Variants in PSD3 observed in about 807,000 individuals in gnomAD.
PSD3 encodes pleckstrin and Sec7 domain containing 3, also known as PH and SEC7 domain-containing protein 3.
In PSD3, 49 loss-of-function variants were observed where a neutral mutation model predicts 105.5. The ratio of observed to expected loss-of-function variants is 0.46; its 90% CI spans 0.37 to 0.59. The LOEUF is 0.59. Ranked by LOEUF, PSD3 falls within the 20% of genes least tolerant of loss-of-function variation. PSD3 has a pLI of 0.00. For synonymous variants in PSD3, 557 were observed against 457.8 expected, an observed-to-expected ratio of 1.22 and a Z score of -2.77; for missense variants, 1,561 against 1,263.8, an observed-to-expected ratio of 1.24 and a Z score of -3.57.
intron 4 of PSD3, among the ~76,000 whole-genome samples, chr8:18,806,536 C>T (rs757893276): frequency 6.6e-6 from 1 of 152,186 alleles, no homozygotes; most frequent in Non-Finnish European, 1.5e-5. Context: ...ACACGGCCTT[C>T]GAACACACTT....
At chr8:18,916,514 G>A (rs531466618) in intron 2 of PSD3, among the ~76,000 whole-genome samples, 7 of 151,702 alleles carry the variant, frequency 4.6e-5, no homozygotes, top group South Asian at 4.2e-4. Context: ...TCTTATTTAC[G>A]TGCACAATCT....
intron 12 of PSD3, 148 bp downstream of exon 12, chr8:18,600,216 G>A (rs984974429): frequency 2.8e-6 from 2 of 712,810 alleles, no homozygotes; most frequent in Non-Finnish European, 4.7e-6. Context: ...TTTATTTCTG[G>A]AATTCTCCGC....
rs544719797 is a variant in PSD3, at chr8:18,658,282, C to T, written c.2173-2597G>A. Reference sequence around the variant, plus strand: ...ATTATTTTTCTTAATAAAAGGAAGACGCTTTACAAATGCATCCAAAACTTA... The same window carrying T: ...ATTATTTTTCTTAATAAAAGGAAGATGCTTTACAAATGCATCCAAAACTTA... On this transcript the variant is annotated intron_variant, in intron 9 of 15. Coordinates refer to ENST00000327040, the MANE Select transcript of PSD3 (RefSeq NM_015310.4). Among the ~76,000 whole-genome samples, 8 of 152,266 alleles carry T rather than the reference C, an allele frequency of 5.3e-5. No individual in the cohort carries two copies. The South Asian group carries it at 8.3e-4, about 16-fold the overall frequency.
chr8:18,891,398 T>C (rs1382831526), intron 2 of PSD3, among the ~76,000 whole-genome samples: 3 of 152,202 alleles, frequency 2.0e-5, no homozygotes, highest in South Asian at 2.1e-4. Context: ...GATTTTCATG[T>C]GTAATTTGTC....
intron 2 of PSD3, among the ~76,000 whole-genome samples, chr8:18,932,140 G>C (rs1395507334): frequency 6.6e-6 from 1 of 152,192 alleles, no homozygotes; most frequent in Non-Finnish European, 1.5e-5. Flanking sequence ...CCTGAGCTGT[G>C]TATTTACAAT....
rs575199345 is a variant in PSD3, at chr8:18,783,773, T to C, written c.2082+15522A>G. 8.5e-5 allele frequency among the ~76,000 whole-genome samples: 13 copies of C among 152,258 alleles called. No individual in the cohort carries two copies. The East Asian group carries it at 1.2e-3, about 14-fold the overall frequency. On this transcript the variant is annotated intron_variant, in intron 8 of 15. Coordinates refer to ENST00000327040, the MANE Select transcript of PSD3 (RefSeq NM_015310.4). ...TCAGCCACTCGAGTAACTGGGATGATAGGTGCATGCCACCATGCCTGGCAA... is the reference window on the plus strand; with the variant it reads ...TCAGCCACTCGAGTAACTGGGATGACAGGTGCATGCCACCATGCCTGGCAA...
At chr8:18,924,574 TC>T (rs1250591372) in intron 2 of PSD3, 1 of 152,208 alleles carries the variant, frequency 6.6e-6, no homozygotes, top group East Asian at 1.9e-4. Flanking sequence ...TTTGTGGTAT[TC>T]TATCCCAGCC....
chr8:18,944,754 G>C (rs1381679638), intron 1 of PSD3, among the ~76,000 whole-genome samples: 2 of 152,056 alleles, frequency 1.3e-5, no homozygotes, highest in Admixed American at 1.3e-4. Flanking sequence ...TATCAGAACA[G>C]GCTGAATTTA....
At chr8:18,939,817 G>C (rs201284539) in intron 1 of PSD3, among the ~76,000 whole-genome samples, 2 of 152,074 alleles carry the variant, frequency 1.3e-5, no homozygotes, top group Non-Finnish European at 2.9e-5. Context: ...TTAGTGGCTT[G>C]TAAAATCACT....
intron 11 of PSD3, among the ~76,000 whole-genome samples, chr8:18,626,118 T>G (rs533176402): frequency 1.8e-3 from 268 of 152,244 alleles, no homozygotes; most frequent in African/African-American, 6.1e-3. Context: ...ACTTCTAAGA[T>G]AGGTACAACA....
intron 4 of PSD3, chr8:18,808,725 C>G (rs780810795): frequency 1.2e-6 from 2 of 1,613,824 alleles, no homozygotes; most frequent in African/African-American, 1.3e-5. Context: ...AATCAGAAAG[C>G]TTGACAATAT....
chr8:18,560,211 A>ACACACACACACAC (rs1563322125), intron 14 of PSD3, among the ~76,000 whole-genome samples: 3 of 130,358 alleles, frequency 2.3e-5, no homozygotes, highest in African/African-American at 9.2e-5. Context: ...CACACACACA[A>ACACACACACACAC]ACAAAAAAAC....
In PSD3 at chr8:18,774,689, T is replaced by C. The variant is rs79738218; in HGVS notation, c.2083-9151A>G. ...TGGGCCACAGATCTGGGGGCTAGTATTTCTTGCCCTTGTAGAACTTCCTGA... is the reference window on the plus strand; with the variant it reads ...TGGGCCACAGATCTGGGGGCTAGTACTTCTTGCCCTTGTAGAACTTCCTGA... On this transcript the variant is annotated intron_variant, in intron 8 of 15. Transcript: ENST00000327040. 1,240 of 359,694 alleles carry C rather than the reference T, an allele frequency of 3.4e-3. 8 individuals carry two copies. Among genetic ancestry groups the C allele is most frequent in the African/African-American group, 0.025 (1,178 of 46,934 alleles). 22.3% of individuals were successfully genotyped at this position (359,694 alleles called of 1,614,324 possible). A position where few individuals can be genotyped will look rare whatever the true frequency, so the allele number is the denominator to read the frequency against.
intron 11 of PSD3, among the ~76,000 whole-genome samples, chr8:18,607,636 G>A (rs542868270): frequency 3.2e-4 from 47 of 147,886 alleles, no homozygotes; most frequent in African/African-American, 1.1e-3. Context: ...GGCTGGGCAC[G>A]GTGGCTCACG....
intron 4 of PSD3, among the ~76,000 whole-genome samples, chr8:18,842,461 C>T (rs1232990832): frequency 6.6e-6 from 1 of 152,150 alleles, no homozygotes; most frequent in Non-Finnish European, 1.5e-5. Context: ...TGGCCGGGCG[C>T]GGTGGCTCAC....
At chr8:18,820,328 T>C (rs1812589553) in intron 4 of PSD3, among the ~76,000 whole-genome samples, 1 of 152,058 alleles carries the variant, frequency 6.6e-6, no homozygotes, top group Non-Finnish European at 1.5e-5. Flanking sequence ...TATCTCCCAA[T>C]CAATAGTATC....
intron 9 of PSD3, chr8:18,733,224 G>T (rs1803899687): frequency 6.6e-6 from 1 of 151,986 alleles, no homozygotes; most frequent in African/African-American, 2.4e-5. Flanking sequence ...TATATAAATT[G>T]TTAGGGAAAA....
chr8:19,047,000 T>C (rs969647437), intron 1 of PSD3, among the ~76,000 whole-genome samples: 1 of 152,232 alleles, frequency 6.6e-6, no homozygotes, highest in African/African-American at 2.4e-5. Flanking sequence ...CTGGCAGCCC[T>C]GGGACCAACA....
intron 12 of PSD3, among the ~76,000 whole-genome samples, chr8:18,590,188 A>C (rs918873310): frequency 6.6e-6 from 1 of 152,242 alleles, no homozygotes; most frequent in Non-Finnish European, 1.5e-5. Context: ...CATTATTATA[A>C]TATTTTGAAA....
Sources: allele counts gnomAD v4.1 joint callset (sites outside exome capture counted in the v4.1 genomes callset), GRCh38; gene constraint gnomAD v4.1.1; transcripts MANE v1.5; gene names NCBI Gene and HGNC (gene_info 2026-07-23, HGNC 2026-07-21).